Variants in ACACA observed in about 807,000 individuals in gnomAD.
ACACA encodes acetyl-CoA carboxylase alpha.
Under a neutral mutation model 296.1 loss-of-function variants are expected in ACACA, and 103 were observed. The observed-to-expected ratio is 0.35, with a 90% confidence interval of 0.30 to 0.41. The LOEUF (loss-of-function observed/expected upper bound fraction) is 0.41, where lower values mean the gene tolerates loss of function less well. Ranked by LOEUF, ACACA falls within the 10% of genes least tolerant of loss-of-function variation. The probability of loss-of-function intolerance (pLI) is 1.00; values close to 1 mark genes in which losing one functional copy is unlikely to be tolerated. For missense variants in ACACA, 1,554 were observed against 2,989.7 expected (o/e 0.52, Z 11.20); for synonymous variants, 953 against 1,038.6 (o/e 0.92, Z 1.58).
At chr17:37,321,782 A>G (rs921375197) in intron 3 of ACACA, among the ~76,000 whole-genome samples, 2 of 151,480 alleles carry the variant, frequency 1.3e-5, no homozygotes, top group Non-Finnish European at 2.9e-5. Context: ...AAAAAAAAAT[A>G]CAAATACAAA....
Position 37,397,038 on chromosome 17 carries a change from T to TTC in ACACA, c.38+9223_38+9224insGA, listed in dbSNP as rs1391643660. ...TTCTCCTAATGCTATCCCTCCCCCA[T>TTC]CCCCCCACCCCACGACAGGCGCTGA... On this transcript the variant is annotated intron_variant, in intron 1 of 55. Transcript: ENST00000616317. 5.0e-5 allele frequency among the ~76,000 whole-genome samples: 7 copies of TTC among 141,364 alleles called. No homozygotes were observed. The East Asian group carries it at 1.7e-3, about 34-fold the overall frequency. The allele number at this position is 141,364 out of a possible 152,430, so 92.7% of individuals were successfully genotyped here.
rs1324010674 is a variant in ACACA at position 37,351,953 on chromosome 17, CAG to C, written c.39-12105_39-12104del. 2.3e-5 allele frequency among the ~76,000 whole-genome samples: 3 copies of C among 130,402 alleles called. No individual in the cohort carries two copies. The Admixed American group carries it at 2.6e-4, about 11-fold the overall frequency. The allele number at this position is 130,402 out of a possible 152,430, so 85.5% of individuals were successfully genotyped here. A position where few individuals can be genotyped will look rare whatever the true frequency, so the allele number is the denominator to read the frequency against. Reference sequence around the variant, plus strand: ...TTTTTTTTTTTTTTTTTTTTTGAGACAGAGTCTTGCTCTGTCACCCAGGCTGG... The same window carrying C: ...TTTTTTTTTTTTTTTTTTTTTGAGACAGTCTTGCTCTGTCACCCAGGCTGG... On this transcript the variant is annotated intron_variant, in intron 1 of 55. Coordinates refer to ENST00000616317, the MANE Select transcript of ACACA (RefSeq NM_198834.3).
At chr17:37,294,124 G>GA (rs202223427) in intron 3 of ACACA, among the ~76,000 whole-genome samples, 14 of 143,012 alleles carry the variant, frequency 9.8e-5, no homozygotes, top group East Asian at 2.0e-4. Context: ...CTCATTCGTT[G>GA]AAAAAAAAAA....
intron 25 of ACACA, among the ~76,000 whole-genome samples, chr17:37,228,796 G>C (rs2079679086): frequency 6.6e-6 from 1 of 152,064 alleles, no homozygotes; most frequent in Non-Finnish European, 1.5e-5. Flanking sequence ...CGACTCCTCT[G>C]TACAAAGCCA....
At chr17:37,386,508 C>G (rs1330282972) in intron 1 of ACACA, among the ~76,000 whole-genome samples, 2 of 152,148 alleles carry the variant, frequency 1.3e-5, no homozygotes, top group African/African-American at 4.8e-5. Context: ...AGAAGAATCG[C>G]TTGAACCCAA....
At chr17:37,334,509 A>G (rs983840599) in intron 2 of ACACA, among the ~76,000 whole-genome samples, 3 of 151,596 alleles carry the variant, frequency 2.0e-5, no homozygotes, top group Non-Finnish European at 4.4e-5. Context: ...GCTGGAGCGG[A>G]GTCTTGGATA....
At position 37,097,794 on chromosome 17, in the gene ACACA, G is replaced by A. The variant is rs751356488; in HGVS notation, c.6720+36C>T. The A allele has an allele frequency of 1.9e-6, 3 of 1,612,046 alleles. No individual in the cohort carries two copies. The South Asian group carries it at 3.3e-5, about 18-fold the overall frequency. On this transcript the variant is annotated intron_variant, in intron 53 of 55. Transcript: ENST00000616317. This position sits in a 1 kb window ranked among gnomAD's most constrained non-coding sequence, Gnocchi z 4.8. ...CACACACACACACTTGCCCACATGT[G>A]GGCCTCTGACAAGAAGTGGCAACCA...
intron 1 of ACACA, among the ~76,000 whole-genome samples, chr17:37,355,427 G>C (rs1334244934): frequency 6.6e-6 from 1 of 150,848 alleles, no homozygotes; most frequent in African/African-American, 2.4e-5. Context: ...GTGGTGGCAG[G>C]CGCCTGTAAT....
intron 46 of ACACA, 35 bp downstream of exon 46, chr17:37,130,040 G>A (rs1046946073): frequency 6.2e-7 from 1 of 1,613,716 alleles, no homozygotes; most frequent in African/African-American, 1.3e-5. Context: ...GACAGGCTCT[G>A]CAGGCCATGT....
intron 52 of ACACA, 39 bp from the exon 53 acceptor site, chr17:37,098,023 A>G (rs1416926199): frequency 1.2e-6 from 2 of 1,613,562 alleles, no homozygotes; most frequent in Non-Finnish European, 1.7e-6. Flanking sequence ...CTCTGTAATG[A>G]CCAGGAATCT....
chr17:37,259,140 TATATC>T (rs1411856470), intron 12 of ACACA, among the ~76,000 whole-genome samples: 6 of 152,218 alleles, frequency 3.9e-5, no homozygotes, highest in African/African-American at 1.4e-4. Flanking sequence ...CATGACACAT[TATATC>T]AGATGTGTCT....
At position 37,127,022 on chromosome 17, in the gene ACACA, A is replaced by T. The variant is rs17138999; in HGVS notation, c.5945-1228T>A. ...TCTGAAGTCACTCGATTTGGGAGCG[A>T]GTGTTAGCTGCACATAGACAGCAGG... On this transcript the variant is annotated intron_variant, in intron 47 of 55. Coordinates refer to ENST00000616317, the MANE Select transcript of ACACA (RefSeq NM_198834.3). Among the ~76,000 whole-genome samples the T allele has an allele frequency of 5.3e-5, 8 of 152,318 alleles. No homozygotes were observed. The South Asian group carries it at 1.7e-3, about 32-fold the overall frequency.
chr17:37,375,388 G>C (rs1228543883), intron 1 of ACACA, among the ~76,000 whole-genome samples: 2 of 152,112 alleles, frequency 1.3e-5, no homozygotes, highest in Non-Finnish European at 2.9e-5. Context: ...TCAGGAGGCT[G>C]AGGCAGGAGA....
chr17:37,349,113 T>G (rs1467258122), intron 1 of ACACA, among the ~76,000 whole-genome samples: 1 of 150,880 alleles, frequency 6.6e-6, no homozygotes, highest in Non-Finnish European at 1.5e-5. Flanking sequence ...CAGATGTGAG[T>G]GCAGTGGCGT....
Position 37,190,985 on chromosome 17 carries a change from C to T in ACACA, c.4572+135G>A, listed in dbSNP as rs567071223. The stretch of plus-strand genomic sequence containing the variant: ...CCAGAAACTCAATCTTATAAACATT[C>T]TATAAACTTTACAGATTAAGGGCTC... On this transcript the variant is annotated intron_variant, in intron 38 of 55. Coordinates refer to ENST00000616317, the MANE Select transcript of ACACA (RefSeq NM_198834.3). The T allele has an allele frequency of 2.8e-5, 31 of 1,103,044 alleles. No homozygotes were observed. In the South Asian group the frequency reaches 4.1e-4, roughly 15 times the overall value. 68.3% of individuals were successfully genotyped at this position (1,103,044 alleles called of 1,614,324 possible).
chr17:37,399,162 G>A (rs2051198036), intron 1 of ACACA, among the ~76,000 whole-genome samples: 1 of 151,384 alleles, frequency 6.6e-6, no homozygotes, highest in South Asian at 2.1e-4. Context: ...TATATTTTTA[G>A]TAGAGATGGG....
intron 52 of ACACA, among the ~76,000 whole-genome samples, chr17:37,101,940 C>A (rs2142844545): frequency 6.6e-6 from 1 of 150,464 alleles, no homozygotes; most frequent in Non-Finnish European, 1.5e-5. Context: ...TGAGCATTTA[C>A]CACTCACTGC....
intron 8 of ACACA, chr17:37,274,719 G>A: frequency 3.1e-6 from 3 of 968,988 alleles, no homozygotes; most frequent in Non-Finnish European, 3.7e-6. Context: ...GGTTTTATTG[G>A]CCTCAGCAGA....
chr17:37,270,511 A>C (rs1205425484), intron 10 of ACACA, among the ~76,000 whole-genome samples: 1 of 152,204 alleles, frequency 6.6e-6, no homozygotes, highest in African/African-American at 2.4e-5. Context: ...ACGTTTATAT[A>C]AGACAGAATA....
Sources: gnomAD v4.1 joint callset for allele counts (sites outside exome capture counted in the v4.1 genomes callset) on GRCh38, gnomAD v4.1.1 for gene constraint, Gnocchi (gnomAD v3.1) non-coding constraint, MANE v1.5 for transcripts, NCBI Gene and HGNC (gene_info 2026-07-23, HGNC 2026-07-21) for gene names.